Variants in NPIPB8 observed in about 807,000 individuals in gnomAD.
The protein encoded by NPIPB8 is nuclear pore complex-interacting protein family member B8.
In NPIPB8, 3 loss-of-function variants were observed where a neutral mutation model predicts 5.3. The observed-to-expected ratio is 0.57, with a 90% CI of 0.26 to 1.47. The LOEUF is 1.47. Ranked by LOEUF, NPIPB8 falls within the 40% of genes most tolerant of loss-of-function variation. NPIPB8 has a pLI of 0.13. For missense variants in NPIPB8, 50 were observed against 50.2 expected (o/e 1.00, Z 0.01); for synonymous variants, 18 against 23.0 (o/e 0.78, Z 0.62).
chr16:28,639,920 C>T (rs1168923888), intron 2 of NPIPB8, among the ~76,000 whole-genome samples: 2 of 150,174 alleles, frequency 1.3e-5, no homozygotes, highest in Admixed American at 1.3e-4. Flanking sequence ...TATTGACAAT[C>T]AGTATGCATC....
rs1474620894 is a variant in NPIPB8, at chr16:28,644,749, C to T, written c.121-3386C>T. 7.4e-6 allele frequency: 5 copies of T among 678,064 alleles called. No individual in the cohort carries two copies. In the African/African-American group the frequency reaches 1.3e-4, roughly 18 times the overall value. The allele number at this position is 678,064 out of a possible 1,614,324, so 42.0% of individuals were successfully genotyped here. On this transcript the variant is annotated intron_variant, in intron 2 of 7. Transcript: ENST00000683297. ...ACAGCTCAGGCCTGTAATCCCAGCA[C>T]TTTAGGGGGCCGAGGTGGGCAGATC...
chr16:28,644,524 C>T (rs1185319183), intron 2 of NPIPB8: 10 of 1,321,510 alleles, frequency 7.6e-6, no homozygotes, highest in Admixed American at 4.8e-5. Flanking sequence ...CCCTTCCCTC[C>T]CCCCTGCCCT....
rs1487088682 is a variant in NPIPB8 at position 28,638,341 on chromosome 16, C to T, written c.-20C>T. 1.3e-6 allele frequency: 2 copies of T among 1,563,944 alleles called. No homozygotes were observed. The highest frequency in any genetic ancestry group is 1.8e-5 in the Admixed American group (1 of 54,086). Reference sequence around the variant, plus strand: ...CTAATAGGTTGGCACTCATCATGAGCCCCTGTTCTCATTCTGCAAATGGTG... The same window carrying T: ...CTAATAGGTTGGCACTCATCATGAGTCCCTGTTCTCATTCTGCAAATGGTG... On this transcript the variant is annotated 5_prime_UTR_variant, in exon 2 of 8. Coordinates refer to ENST00000683297, the MANE Select transcript of NPIPB8 (RefSeq NM_001310136.2).
At chr16:28,644,650 A>G in intron 2 of NPIPB8, 1 of 1,459,102 alleles carries the variant, frequency 6.9e-7, no homozygotes, top group South Asian at 1.2e-5. Flanking sequence ...CCATCAGCCC[A>G]CCCCTGTGAG....
rs543567590 is a variant in NPIPB8, at chr16:28,639,596, C to G, written c.120+1116C>G. Among the ~76,000 whole-genome samples, 928 of 129,976 alleles carry G rather than the reference C, an allele frequency of 7.1e-3. 15 individuals carry two copies. The highest frequency in any genetic ancestry group is 0.026 in the African/African-American group (881 of 34,342). 85.3% of individuals were successfully genotyped at this position (129,976 alleles called of 152,430 possible). Reference sequence around the variant, plus strand: ...CTCAGCCTCTGAGTAGCTGGGACTACAGGTGTGCACCATCATGCCCAGCTA... The same window carrying G: ...CTCAGCCTCTGAGTAGCTGGGACTAGAGGTGTGCACCATCATGCCCAGCTA... On this transcript the variant is annotated intron_variant, in intron 2 of 7. Coordinates refer to ENST00000683297, the MANE Select transcript of NPIPB8 (RefSeq NM_001310136.2).
chr16:28,652,957 G>T (rs2048068743), intron 5 of NPIPB8, among the ~76,000 whole-genome samples: 1 of 129,666 alleles, frequency 7.7e-6, no homozygotes, highest in African/African-American at 3.1e-5. Context: ...CGCCCAGGCT[G>T]GAGTGCTATG....
intron 2 of NPIPB8, among the ~76,000 whole-genome samples, chr16:28,640,721 T>C (rs3987661): frequency 3.1e-4 from 47 of 152,262 alleles, no homozygotes; most frequent in Non-Finnish European, 5.6e-4. Flanking sequence ...GTCCCAGAGC[T>C]GCACAAAATC....
At chr16:28,641,346 C>G (rs1346692145) in intron 2 of NPIPB8, among the ~76,000 whole-genome samples, 1 of 150,074 alleles carries the variant, frequency 6.7e-6, no homozygotes, top group Non-Finnish European at 1.5e-5. Flanking sequence ...CCAGATGATC[C>G]TACACCTGCC....
At chr16:28,639,832 T>A (rs1171804120) in intron 2 of NPIPB8, among the ~76,000 whole-genome samples, 1 of 150,564 alleles carries the variant, frequency 6.6e-6, no homozygotes, top group Admixed American at 6.6e-5. Context: ...TTACCCTGTT[T>A]AAAAATAAAG....
intron 2 of NPIPB8, among the ~76,000 whole-genome samples, chr16:28,639,845 T>G (rs1427469924): frequency 6.6e-6 from 1 of 150,384 alleles, no homozygotes; most frequent in African/African-American, 2.5e-5. Flanking sequence ...AAATAAAGAT[T>G]GAAAGAATAC....
intron 3 of NPIPB8, among the ~76,000 whole-genome samples, chr16:28,651,425 G>A (rs1224568115): frequency 8.6e-5 from 2 of 23,144 alleles, no homozygotes; most frequent in South Asian, 3.0e-3. Flanking sequence ...CTCCTGACTA[G>A]CTGGGACTAC....
rs777088188 is a variant in NPIPB8 at position 28,638,370 on chromosome 16, C to A, written c.10C>A (p.Leu4Ile). ...TGTTCTCATTCTGCAAATGGTGAAGCTCTCTATTGTCCTGACCCCACAGTT... is the reference window on the plus strand; with the variant it reads ...TGTTCTCATTCTGCAAATGGTGAAGATCTCTATTGTCCTGACCCCACAGTT... MVK[L>I]SIVLTPQFLS... The change falls in exon 2 of 8, where the codon CTC (leucine) becomes ATC (isoleucine). Residue 4 changes from leucine to isoleucine, a missense_variant. Physicochemically the swap from Leu to Ile is conservative, Grantham distance 5. Coordinates refer to ENST00000683297, the MANE Select transcript of NPIPB8 (RefSeq NM_001310136.2). The A allele has an allele frequency of 4.5e-6, 7 of 1,568,292 alleles. No individual in the cohort carries two copies. The highest frequency in any genetic ancestry group is 1.1e-5 in the South Asian group (1 of 87,666).
chr16:28,652,822 G>A (rs1364701198), intron 5 of NPIPB8, among the ~76,000 whole-genome samples: 13 of 136,280 alleles, frequency 9.5e-5, no homozygotes, highest in East Asian at 4.0e-4. Flanking sequence ...GGCTGGTCTC[G>A]AACTTCTGAC....
intron 2 of NPIPB8, among the ~76,000 whole-genome samples, chr16:28,640,946 T>G (rs2047885365): frequency 6.6e-6 from 1 of 152,088 alleles, no homozygotes; most frequent in South Asian, 2.1e-4. Flanking sequence ...TCCTTTAAGT[T>G]AAATCCAGGC....
intron 5 of NPIPB8, chr16:28,655,566 C>T: frequency 8.5e-5 from 1 of 11,706 alleles, no homozygotes; most frequent in East Asian, 9.4e-4. Flanking sequence ...GAAGACATAT[C>T]GTGAGAGAGA....
intron 2 of NPIPB8, among the ~76,000 whole-genome samples, chr16:28,644,975 TA>T: frequency 9.6e-6 from 1 of 104,198 alleles, no homozygotes; most frequent in East Asian, 2.4e-4. Context: ...CTCTTGTCTC[TA>T]ACAAACAAAA....
intron 3 of NPIPB8, among the ~76,000 whole-genome samples, chr16:28,651,284 A>AT (rs1242473443): frequency 0.018 from 195 of 10,960 alleles, 6 homozygotes; most frequent in African/African-American, 0.037. Flanking sequence ...CACCTGGGCT[A>AT]TTTTTTTTTT....
chr16:28,639,416 G>C (rs62035132), intron 2 of NPIPB8, among the ~76,000 whole-genome samples: 4 of 130,902 alleles, frequency 3.1e-5, no homozygotes, highest in African/African-American at 5.7e-5. Context: ...CACACACACA[G>C]ACACACACAC....
chr16:28,652,627 T>C lies in NPIPB8; in HGVS notation c.599+263T>C, dbSNP rs1484329638. Among the ~76,000 whole-genome samples, 6 of 116,558 alleles carry C rather than the reference T, an allele frequency of 5.1e-5. No individual in the cohort carries two copies. In the South Asian group the frequency reaches 9.3e-4, roughly 18 times the overall value. The allele number at this position is 116,558 out of a possible 152,430, so 76.5% of individuals were successfully genotyped here. On this transcript the variant is annotated intron_variant, in intron 5 of 7. Coordinates refer to ENST00000683297, the MANE Select transcript of NPIPB8 (RefSeq NM_001310136.2). ...TTCTCTCTTTTTTTTTTTTTTTTCC[T>C]GAGATGGAGCTTTGCTGTTGTTGCC...
Sources: allele counts gnomAD v4.1 joint callset (sites outside exome capture counted in the v4.1 genomes callset), GRCh38; gene constraint gnomAD v4.1.1; transcripts MANE v1.5; gene names NCBI Gene and HGNC (gene_info 2026-07-23, HGNC 2026-07-21).